TBC1D13: variants seen among roughly 807,000 people sequenced by gnomAD.
TBC1D13 encodes TBC1 domain family member 13, also known as epididymis secretory sperm binding protein.
A neutral mutation model predicts 53.6 loss-of-function variants in TBC1D13; 40 were observed. That is an observed-to-expected ratio of 0.75 (90% CI 0.58 to 0.97). TBC1D13 has a LOEUF of 0.97. Among genes scored for constraint, TBC1D13 ranks in the 50% least tolerant of loss-of-function variants. The pLI is 0.00. For synonymous variants in TBC1D13, 182 were observed against 197.7 expected (o/e 0.92, Z 0.67); for missense variants, 377 against 499.4 (o/e 0.75, Z 2.34).
chr9:128,790,442 C>T (rs1260953583), intron 2 of TBC1D13, among the ~76,000 whole-genome samples: 3 of 151,892 alleles, frequency 2.0e-5, no homozygotes, highest in African/African-American at 7.3e-5. Context: ...AGCACAGTGG[C>T]GCGTGCCTGT....
At chr9:128,797,004 C>G in intron 6 of TBC1D13, 51 bp from the exon 7 acceptor site, 2 of 1,600,226 alleles carry the variant, frequency 1.2e-6, no homozygotes, top group Non-Finnish European at 1.7e-6. Flanking sequence ...GATGGGATGG[C>G]GAAAACTTCC....
chr9:128,790,956 G>C (rs891385127), intron 3 of TBC1D13, among the ~76,000 whole-genome samples, 181 bp downstream of exon 3: 1 of 152,186 alleles, frequency 6.6e-6, no homozygotes, highest in African/African-American at 2.4e-5. Context: ...GATCCCCTTG[G>C]GGATGGGACA....
Position 128,791,673 on chromosome 9 carries a change from G to T in TBC1D13, c.280G>T (p.Asp94Tyr). 6.2e-7 allele frequency: 1 copy of T among 1,614,176 alleles called. No homozygotes were observed. The highest frequency in any genetic ancestry group is 1.1e-5 in the South Asian group (1 of 91,076). ...GGCCAACATGGGTGTGTCCAGGGAG[G>T]ATGTGACTTTTGAGGACCATGTGAG... ...AKANMGVSRE[D>Y]VTFEDHPLNP... The change falls in exon 5 of 12, where the codon GAT becomes TAT. Residue 94 changes from aspartate (D) to tyrosine (Y), a missense_variant. By Grantham distance (160) the Asp-to-Tyr change is radical (BLOSUM62 -3). Coordinates refer to ENST00000372648, the MANE Select transcript of TBC1D13 (RefSeq NM_018201.5).
In TBC1D13 at chr9:128,809,986, C is replaced by T. The variant is rs1829918478; in HGVS notation, c.*2107C>T. Reference sequence around the variant, plus strand: ...AGACACTGCCCAGGACTCTTTAGTGCACTCACTCTTGTCTGCCCCCTACCT... The same window carrying T: ...AGACACTGCCCAGGACTCTTTAGTGTACTCACTCTTGTCTGCCCCCTACCT... On this transcript the variant is annotated 3_prime_UTR_variant, in exon 12 of 12. Coordinates refer to ENST00000372648, the MANE Select transcript of TBC1D13 (RefSeq NM_018201.5). 1 of 152,366 alleles carries T rather than the reference C, an allele frequency of 6.6e-6. No individual in the cohort carries two copies. The highest frequency in any genetic ancestry group is 1.5e-5 in the Non-Finnish European group (1 of 68,196). The allele number at this position is 152,366 out of a possible 1,614,324, so 9.4% of individuals were successfully genotyped here.
Position 128,807,974 on chromosome 9 carries a change from G to C in TBC1D13, c.*95G>C. On this transcript the variant is annotated 3_prime_UTR_variant, in exon 12 of 12. Coordinates refer to ENST00000372648, the MANE Select transcript of TBC1D13 (RefSeq NM_018201.5). ...AGAAACCTGTAGGAACCCAGCCTGA[G>C]GGGAAGCCACAGGATCGGCCCGAGA... is the stretch of plus-strand genomic sequence containing the variant. 9.6e-6 allele frequency: 12 copies of C among 1,249,576 alleles called. No homozygotes were observed. The highest frequency in any genetic ancestry group is 1.4e-5 in the Non-Finnish European group (12 of 862,954). The allele number at this position is 1,249,576 out of a possible 1,614,324, so 77.4% of individuals were successfully genotyped here. A position where few individuals can be genotyped will look rare whatever the true frequency, so the allele number is the denominator to read the frequency against.
chr9:128,790,637 C>A, intron 2 of TBC1D13, 98 bp from the exon 3 acceptor site: 2 of 1,123,868 alleles, frequency 1.8e-6, no homozygotes, highest in Non-Finnish European at 2.5e-6. Context: ...AGAAGTACTT[C>A]TTGCCCACTC....
chr9:128,788,318 C>T lies in TBC1D13; in HGVS notation c.24-16C>T, dbSNP rs372300099. ...ATATCAGCATGCTTCATTTGCCGCCCTATCTCCCCTTCCAGAATTGCAGAT... is the reference window on the plus strand; with the variant it reads ...ATATCAGCATGCTTCATTTGCCGCCTTATCTCCCCTTCCAGAATTGCAGAT... On this transcript the variant is annotated splice_polypyrimidine_tract_variant and intron_variant, in intron 1 of 11. Coordinates refer to ENST00000372648, the MANE Select transcript of TBC1D13 (RefSeq NM_018201.5). 8.7e-6 allele frequency: 14 copies of T among 1,613,506 alleles called. No homozygotes were observed. In the African/African-American group the frequency reaches 1.5e-4, roughly 17 times the overall value.
intron 5 of TBC1D13, 69 bp from the exon 6 acceptor site, chr9:128,792,423 T>G: frequency 7.0e-7 from 1 of 1,431,914 alleles, no homozygotes; most frequent in Non-Finnish European, 9.8e-7. Flanking sequence ...CTGCTCAGGT[T>G]TCCGGGATAG....
chr9:128,791,208 T>A (rs1589565957), intron 3 of TBC1D13, among the ~76,000 whole-genome samples, 172 bp from the exon 4 acceptor site: 1 of 152,044 alleles, frequency 6.6e-6, no homozygotes, highest in Non-Finnish European at 1.5e-5. Flanking sequence ...AGGGAGGCAG[T>A]GGGGAGGAAG....
intron 9 of TBC1D13, among the ~76,000 whole-genome samples, chr9:128,805,231 G>A (rs1042790908): frequency 6.6e-5 from 10 of 152,090 alleles, no homozygotes; most frequent in Non-Finnish European, 8.8e-5. Context: ...TCAGCTACTC[G>A]GGAGGCTGAG....
intron 8 of TBC1D13, 113 bp downstream of exon 8, chr9:128,803,573 G>GA: frequency 1.0e-6 from 1 of 955,076 alleles, no homozygotes; most frequent in South Asian, 1.5e-5. Flanking sequence ...AGTTGGCCTG[G>GA]ATCATCTCTG....
chr9:128,797,886 T>G (rs1024078179), intron 7 of TBC1D13, among the ~76,000 whole-genome samples: 5 of 152,358 alleles, frequency 3.3e-5, no homozygotes, highest in Non-Finnish European at 7.3e-5. Flanking sequence ...GACAGGCAGA[T>G]CACTTAAGGC....
intron 2 of TBC1D13, among the ~76,000 whole-genome samples, chr9:128,789,441 G>A (rs1242547020): frequency 1.3e-5 from 2 of 151,982 alleles, no homozygotes; most frequent in African/African-American, 4.8e-5. Flanking sequence ...GCGGTAGTGA[G>A]CTTCCTGATC....
rs1019907188 is a variant in TBC1D13, at chr9:128,809,772, C to T, written c.*1893C>T. 4 of 152,316 alleles carry T rather than the reference C, an allele frequency of 2.6e-5. No homozygotes were observed. Among genetic ancestry groups the T allele is most frequent in the East Asian group, 1.9e-4 (1 of 5,178 alleles). 9.4% of individuals were successfully genotyped at this position (152,316 alleles called of 1,614,324 possible). ...CGAGCAGGTCCTGGCTGAGCGGGCT[C>T]TGAGTTCTGTACTGGAATTGAGTGT... On this transcript the variant is annotated 3_prime_UTR_variant, in exon 12 of 12. Coordinates refer to ENST00000372648, the MANE Select transcript of TBC1D13 (RefSeq NM_018201.5).
rs1040008501 is a variant in TBC1D13, at chr9:128,791,320, C to T, written c.139-60C>T. ...TTTTCTTGAGGCCTGTCATCCCCGC[C>T]TAAAGACTGACGTTGGTGCAGGAGG... is the stretch of plus-strand genomic sequence containing the variant. On this transcript the variant is annotated intron_variant, in intron 3 of 11. Coordinates refer to ENST00000372648, the MANE Select transcript of TBC1D13 (RefSeq NM_018201.5). 3.9e-6 allele frequency: 6 copies of T among 1,519,862 alleles called. No homozygotes were observed. The Admixed American group carries it at 8.4e-5, about 21-fold the overall frequency. The allele number at this position is 1,519,862 out of a possible 1,614,324, so 94.1% of individuals were successfully genotyped here.
At chr9:128,795,032 C>T (rs1829602583) in intron 6 of TBC1D13, among the ~76,000 whole-genome samples, 1 of 151,122 alleles carries the variant, frequency 6.6e-6, no homozygotes, top group Admixed American at 6.6e-5. Context: ...TACAAACCAC[C>T]CTGTGTTTGT....
Position 128,807,908 on chromosome 9 carries a change from G to C in TBC1D13, c.*29G>C. On this transcript the variant is annotated 3_prime_UTR_variant, in exon 12 of 12. Coordinates refer to ENST00000372648, the MANE Select transcript of TBC1D13 (RefSeq NM_018201.5). ...GGCGGCAAGAGGCCCATGTTCCGGA[G>C]AGAAGCCTCCCGACCCTGTGCCCTG... 6.2e-7 allele frequency: 1 copy of C among 1,609,984 alleles called. No individual in the cohort carries two copies. The highest frequency in any genetic ancestry group is 1.7e-4 in the Middle Eastern group (1 of 6,050).
chr9:128,807,605 G>A (rs1194369553), intron 11 of TBC1D13, among the ~76,000 whole-genome samples: 5 of 152,198 alleles, frequency 3.3e-5, no homozygotes, highest in Non-Finnish European at 7.3e-5. Context: ...GGGAGTGGTT[G>A]TGTTTGGATC....
At chr9:128,793,434 C>T (rs1829570494) in intron 6 of TBC1D13, among the ~76,000 whole-genome samples, 1 of 152,178 alleles carries the variant, frequency 6.6e-6, no homozygotes, top group African/African-American at 2.4e-5. Flanking sequence ...AGGCCTTGTC[C>T]ACAGGTGGGT....
Sources: gnomAD v4.1 joint callset for allele counts (sites outside exome capture counted in the v4.1 genomes callset) on GRCh38, gnomAD v4.1.1 for gene constraint, MANE v1.5 for transcripts, NCBI Gene and HGNC (gene_info 2026-07-23, HGNC 2026-07-21) for gene names.